Variants in PHACTR1 observed in about 807,000 individuals in gnomAD.
PHACTR1 encodes phosphatase and actin regulator 1, also known as RPEL repeat containing 1.
In PHACTR1, 16 loss-of-function variants were observed where a neutral mutation model predicts 69.2. The observed-to-expected ratio is 0.23, with a 90% CI of 0.16 to 0.35. The LOEUF (loss-of-function observed/expected upper bound fraction) is 0.35. Ranked by LOEUF, PHACTR1 falls within the 10% of genes least tolerant of loss-of-function variation. The pLI, the probability that PHACTR1 is intolerant of heterozygous loss-of-function variation, is 1.00. For synonymous variants in PHACTR1, 312 were observed against 284.5 expected, an observed-to-expected ratio of 1.10 and a Z score of -0.97; for missense variants, 510 against 734.7, an observed-to-expected ratio of 0.69 and a Z score of 3.54.
intron 4 of PHACTR1, among the ~76,000 whole-genome samples, chr6:12,907,624 C>T (rs1341797803): frequency 6.6e-6 from 1 of 152,144 alleles, no homozygotes; most frequent in Admixed American, 6.5e-5. Flanking sequence ...ACCAAATTCA[C>T]AGAAGGAACC....
intron 5 of PHACTR1, among the ~76,000 whole-genome samples, chr6:13,099,511 T>C (rs1405992960): frequency 2.6e-5 from 4 of 152,216 alleles, no homozygotes; most frequent in African/African-American, 7.2e-5. Context: ...CCCATTCCCA[T>C]GGGGTGCAGC....
intron 4 of PHACTR1, among the ~76,000 whole-genome samples, chr6:12,891,287 C>T (rs1014726807): frequency 2.0e-5 from 3 of 151,974 alleles, no homozygotes; most frequent in African/African-American, 7.2e-5. Flanking sequence ...ATTATGTTAA[C>T]ATGCTAAAGT....
chr6:12,868,591 CATA>C (rs3036467), intron 4 of PHACTR1, among the ~76,000 whole-genome samples: 149,167 of 152,002 alleles, frequency 0.98, 73,260 homozygotes, highest in Middle Eastern at 1. Flanking sequence ...CAGAGAAACA[CATA>C]ATAATAGCAG....
chr6:12,898,693 C>T (rs571259135), intron 4 of PHACTR1, among the ~76,000 whole-genome samples: 4 of 152,292 alleles, frequency 2.6e-5, no homozygotes, highest in South Asian at 4.1e-4. Flanking sequence ...GATCCAGTCT[C>T]GTGCTGCAGG....
intron 3 of PHACTR1, among the ~76,000 whole-genome samples, chr6:12,722,122 A>G (rs1340749338): frequency 6.6e-6 from 1 of 152,240 alleles, no homozygotes; most frequent in Non-Finnish European, 1.5e-5. Flanking sequence ...AAAGAAGGCC[A>G]ACTTGAAAGT....
rs386406192 is a variant in PHACTR1, at chr6:12,800,906, A to AG, written c.250+51116_250+51117insG. 3.5e-3 allele frequency among the ~76,000 whole-genome samples: 536 copies of AG among 152,020 alleles called. 3 individuals carry two copies. Among genetic ancestry groups the AG allele is most frequent in the African/African-American group, 0.012 (477 of 41,448 alleles). On this transcript the variant is annotated intron_variant, in intron 4 of 14. Coordinates refer to ENST00000332995, the MANE Select transcript of PHACTR1 (RefSeq NM_030948.6). ...CCTGTCTCAAAAGAAAAAGAAAAAA[A>AG]AAAGAAGGAAGATAAAAAGCCAATT...
At chr6:13,178,691 G>C (rs1187398753) in intron 6 of PHACTR1, among the ~76,000 whole-genome samples, 1 of 152,222 alleles carries the variant, frequency 6.6e-6, no homozygotes, top group Non-Finnish European at 1.5e-5. Flanking sequence ...AGCAGCTCAT[G>C]ATTGGAGGTT....
intron 4 of PHACTR1, chr6:12,933,482 C>G (rs536736554): frequency 1.5e-6 from 2 of 1,328,892 alleles, no homozygotes; most frequent in East Asian, 4.7e-5. Flanking sequence ...CAAGGAGAAA[C>G]TAGAAGATGG....
rs1773447416 is a variant in PHACTR1, at chr6:13,245,350, CT to C, written c.1391+15162del. Among the ~76,000 whole-genome samples the C allele has an allele frequency of 6.6e-6, 1 of 152,156 alleles. No individual in the cohort carries two copies. The highest frequency in any genetic ancestry group is 2.4e-5 in the African/African-American group (1 of 41,416). ...CTTGCCAGCATCTATTATTTTTTGA[CT>C]TTTTAATAATAGACATTCTGACTGG... is the stretch of plus-strand genomic sequence containing the variant. On this transcript the variant is annotated intron_variant, in intron 10 of 14. Coordinates refer to ENST00000332995, the MANE Select transcript of PHACTR1 (RefSeq NM_030948.6). The surrounding 1 kb of genome is among the most constrained non-coding windows in gnomAD (Gnocchi z 4.1).
At chr6:13,031,679 C>T (rs1186554528) in intron 4 of PHACTR1, among the ~76,000 whole-genome samples, 1 of 152,208 alleles carries the variant, frequency 6.6e-6, no homozygotes. Flanking sequence ...AATTCTGGCA[C>T]ATTGGCTATA....
intron 7 of PHACTR1, among the ~76,000 whole-genome samples, chr6:13,193,149 A>G (rs1465492117): frequency 1.3e-5 from 2 of 151,792 alleles, no homozygotes; most frequent in African/African-American, 2.4e-5. Context: ...CACACCAACT[A>G]CAGACAGTTA....
intron 4 of PHACTR1, among the ~76,000 whole-genome samples, chr6:12,880,855 G>A (rs529728792): frequency 6.8e-6 from 1 of 146,600 alleles, no homozygotes; most frequent in East Asian, 1.9e-4. Context: ...TTTCATGTTC[G>A]CGGAACAGGC....
chr6:12,793,966 T>C (rs761769022), intron 4 of PHACTR1, among the ~76,000 whole-genome samples: 3 of 152,204 alleles, frequency 2.0e-5, no homozygotes, highest in Non-Finnish European at 2.9e-5. Flanking sequence ...GGCACTCCGC[T>C]AAGTCCTGGA....
intron 4 of PHACTR1, among the ~76,000 whole-genome samples, chr6:12,774,632 C>G (rs1392467984): frequency 1.3e-5 from 2 of 152,114 alleles, no homozygotes; most frequent in Non-Finnish European, 2.9e-5. Flanking sequence ...GACCTCCTGA[C>G]CTCCTGATCC....
At chr6:12,818,419 A>C (rs1561911524) in intron 4 of PHACTR1, among the ~76,000 whole-genome samples, 1 of 152,128 alleles carries the variant, frequency 6.6e-6, no homozygotes, top group East Asian at 1.9e-4. Flanking sequence ...ATGATGGCAA[A>C]AGAGTTCTAG....
intron 6 of PHACTR1, 119 bp from the exon 7 acceptor site, chr6:13,182,400 T>G (rs1762289090): frequency 8.7e-7 from 1 of 1,143,662 alleles, no homozygotes; most frequent in Non-Finnish European, 1.3e-6. Flanking sequence ...TAACAGATGT[T>G]GGTTTCAGAG....
chr6:12,990,869 T>C (rs1221879594), intron 4 of PHACTR1, among the ~76,000 whole-genome samples: 1 of 152,136 alleles, frequency 6.6e-6, no homozygotes, highest in Non-Finnish European at 1.5e-5. Flanking sequence ...ACCGGGCTCC[T>C]CTCTGAAGTC....
At chr6:12,787,715 G>C in intron 4 of PHACTR1, among the ~76,000 whole-genome samples, 1 of 152,150 alleles carries the variant, frequency 6.6e-6, no homozygotes, top group African/African-American at 2.4e-5. Context: ...TGTGCTACCT[G>C]TCCAGAGTGA....
intron 5 of PHACTR1, among the ~76,000 whole-genome samples, chr6:13,075,814 A>G (rs1200365960): frequency 2.0e-5 from 3 of 152,174 alleles, no homozygotes; most frequent in Non-Finnish European, 4.4e-5. Context: ...GCTCAAGGTC[A>G]TATGCCAAAT....
Sources: allele counts gnomAD v4.1 joint callset (sites outside exome capture counted in the v4.1 genomes callset), GRCh38; gene constraint gnomAD v4.1.1; non-coding constraint Gnocchi (gnomAD v3.1); transcripts MANE v1.5; gene names NCBI Gene and HGNC (gene_info 2026-07-23, HGNC 2026-07-21).